MEGF9: variants seen among roughly 807,000 people sequenced by gnomAD.
MEGF9 encodes the protein multiple EGF like domains 9.
MEGF9 carries 6 observed loss-of-function variants against 46.8 expected under a neutral mutation model. The ratio of observed to expected loss-of-function variants is 0.13; its 90% CI spans 0.07 to 0.25. The LOEUF (loss-of-function observed/expected upper bound fraction) is 0.25, where lower values mean the gene tolerates loss of function less well. MEGF9 is among the 10% of genes least tolerant of loss of function. The pLI is 1.00. For synonymous variants in MEGF9, 302 were observed against 330.7 expected, an observed-to-expected ratio of 0.91 and a Z score of 0.94; for missense variants, 683 against 792.4, an observed-to-expected ratio of 0.86 and a Z score of 1.66.
chr9:120,633,767 A>G (rs2043560514), intron 2 of MEGF9, among the ~76,000 whole-genome samples: 1 of 152,078 alleles, frequency 6.6e-6, no homozygotes, highest in Non-Finnish European at 1.5e-5. Context: ...TGTTTGCTCT[A>G]TCCCATAGCA....
intron 1 of MEGF9, among the ~76,000 whole-genome samples, chr9:120,708,634 C>T (rs1317209551): frequency 6.6e-6 from 1 of 152,078 alleles, no homozygotes; most frequent in African/African-American, 2.4e-5. Flanking sequence ...CTTTATCTTC[C>T]AAATTGTTTT....
At chr9:120,697,473 T>C (rs1263264395) in intron 1 of MEGF9, among the ~76,000 whole-genome samples, 1 of 151,806 alleles carries the variant, frequency 6.6e-6, no homozygotes, top group Non-Finnish European at 1.5e-5. Flanking sequence ...TGGTCTAGAG[T>C]CCATATTAAG....
intron 1 of MEGF9, among the ~76,000 whole-genome samples, chr9:120,691,645 T>C (rs974855262): frequency 9.9e-5 from 15 of 152,210 alleles, no homozygotes; most frequent in Non-Finnish European, 1.8e-4. Context: ...AATTGAATTC[T>C]TTCCCTGTGC....
chr9:120,605,595 A>G lies in MEGF9; in HGVS notation c.1404T>C (p.Asn468=), dbSNP rs780329338. The part of the protein sequence containing the change: ...TPEGSTILVS[N]ASLTTSVPTP... ...TGGGCACTGATGTGGTCAAAGAGGCATTGGAAACCAAAATGGTAGAACCTT... is the reference window on the plus strand; with the variant it reads ...TGGGCACTGATGTGGTCAAAGAGGCGTTGGAAACCAAAATGGTAGAACCTT... Residue 468 remains asparagine, a synonymous_variant, in exon 6 of 6, where the codon AAT becomes AAC. Transcript: ENST00000373930. The surrounding 1 kb of genome is among the most constrained non-coding windows in gnomAD (Gnocchi z 4.0). The G allele has an allele frequency of 6.3e-6, 10 of 1,598,766 alleles. No individual in the cohort carries two copies. The highest frequency in any genetic ancestry group is 2.2e-5 in the East Asian group (1 of 44,560).
At chr9:120,710,235 C>T (rs996042115) in intron 1 of MEGF9, among the ~76,000 whole-genome samples, 4 of 151,798 alleles carry the variant, frequency 2.6e-5, no homozygotes, top group East Asian at 3.9e-4. Flanking sequence ...CCGAGACCAG[C>T]CTGACCAACA....
chr9:120,638,012 T>C (rs769671212), intron 2 of MEGF9, among the ~76,000 whole-genome samples: 14 of 152,108 alleles, frequency 9.2e-5, no homozygotes, highest in Non-Finnish European at 1.8e-4. Flanking sequence ...TTTCTTTTTT[T>C]GAGACAGGGT....
At chr9:120,607,613 T>C in intron 5 of MEGF9, 128 bp downstream of exon 5, 1 of 1,015,024 alleles carries the variant, frequency 9.9e-7, no homozygotes, top group South Asian at 1.6e-5. Context: ...GAAACCTCTT[T>C]AGGCAAATAT....
chr9:120,673,003 A>G (rs1028782830), intron 1 of MEGF9, among the ~76,000 whole-genome samples: 4 of 152,240 alleles, frequency 2.6e-5, no homozygotes, highest in African/African-American at 7.2e-5. Flanking sequence ...AGCCTGGGCA[A>G]CAAGGGCAAA....
At chr9:120,627,484 G>A (rs541312800) in intron 2 of MEGF9, among the ~76,000 whole-genome samples, 1 of 151,876 alleles carries the variant, frequency 6.6e-6, no homozygotes, top group African/African-American at 2.4e-5. Context: ...TTTTGAGATG[G>A]AGTCTTGCTC....
intron 1 of MEGF9, among the ~76,000 whole-genome samples, chr9:120,693,105 A>G (rs1323428705): frequency 6.6e-6 from 1 of 152,184 alleles, no homozygotes; most frequent in Non-Finnish European, 1.5e-5. Flanking sequence ...CTTATTTTGT[A>G]TAACAGAAAG....
chr9:120,658,285 C>T (rs1196272510), intron 2 of MEGF9, among the ~76,000 whole-genome samples: 2 of 152,200 alleles, frequency 1.3e-5, no homozygotes, highest in Non-Finnish European at 2.9e-5. Context: ...CCGCGCCCAG[C>T]CTCTTCTACA....
chr9:120,706,950 A>C (rs1479054718), intron 1 of MEGF9, among the ~76,000 whole-genome samples: 1 of 152,206 alleles, frequency 6.6e-6, no homozygotes, highest in Non-Finnish European at 1.5e-5. Flanking sequence ...ATTAATATCC[A>C]AGGACCAATT....
intron 1 of MEGF9, among the ~76,000 whole-genome samples, chr9:120,703,277 T>G (rs1342679756): frequency 6.6e-6 from 1 of 152,216 alleles, no homozygotes; most frequent in Non-Finnish European, 1.5e-5. Flanking sequence ...TCCTTCTTTT[T>G]CACTAATTCA....
intron 5 of MEGF9, among the ~76,000 whole-genome samples, chr9:120,606,507 A>G (rs757813454): frequency 2.6e-5 from 4 of 152,238 alleles, no homozygotes; most frequent in Non-Finnish European, 5.9e-5. Context: ...TTCCATGTGT[A>G]GGAATTCTTC....
At chr9:120,703,669 A>C (rs10984985) in intron 1 of MEGF9, among the ~76,000 whole-genome samples, 5 of 152,214 alleles carry the variant, frequency 3.3e-5, no homozygotes, top group Non-Finnish European at 7.3e-5. Context: ...TAGCAGGTTA[A>C]GATAATTCCA....
intron 2 of MEGF9, among the ~76,000 whole-genome samples, chr9:120,650,766 GA>G (rs1476048876): frequency 1.3e-5 from 2 of 151,918 alleles, no homozygotes; most frequent in African/African-American, 4.8e-5. Context: ...TTGGTGTTAG[GA>G]TATCAGATTT....
intron 1 of MEGF9, among the ~76,000 whole-genome samples, chr9:120,663,221 G>T (rs1293253418): frequency 6.6e-6 from 1 of 152,142 alleles, no homozygotes; most frequent in Non-Finnish European, 1.5e-5. Context: ...CAGGGAGCAT[G>T]GGCATCTTTT....
At chr9:120,658,778 C>T (rs1420428938) in intron 2 of MEGF9, among the ~76,000 whole-genome samples, 2 of 152,192 alleles carry the variant, frequency 1.3e-5, no homozygotes, top group African/African-American at 4.8e-5. Context: ...GATAACAGTA[C>T]ATTATTCCAC....
At chr9:120,695,236 T>C (rs746322993) in intron 1 of MEGF9, among the ~76,000 whole-genome samples, 4 of 152,114 alleles carry the variant, frequency 2.6e-5, no homozygotes, top group African/African-American at 9.7e-5. Flanking sequence ...ACACAGCCTA[T>C]AGGCTACTTG....
Sources: gnomAD v4.1 joint callset for allele counts (sites outside exome capture counted in the v4.1 genomes callset) on GRCh38, gnomAD v4.1.1 for gene constraint, Gnocchi (gnomAD v3.1) non-coding constraint, MANE v1.5 for transcripts, NCBI Gene and HGNC (gene_info 2026-07-23, HGNC 2026-07-21) for gene names.